Variants in TRIM5 observed in about 807,000 individuals in gnomAD.
TRIM5 encodes tripartite motif containing 5.
Under a neutral mutation model 35.6 loss-of-function variants are expected in TRIM5, and 31 were observed. The observed-to-expected ratio is 0.87, with a 90% CI of 0.65 to 1.18. The LOEUF is 1.18. TRIM5 is among the 50% of genes most tolerant of loss of function. The pLI, the probability that TRIM5 is intolerant of heterozygous loss-of-function variation, is 0.00. For synonymous variants in TRIM5, 243 were observed against 215.6 expected, an observed-to-expected ratio of 1.13 and a Z score of -1.11; for missense variants, 609 against 591.6, an observed-to-expected ratio of 1.03 and a Z score of -0.31.
At chr11:5,597,059 G>A in the TRIM5 span, 166 of 1,345,070 alleles carry the variant, frequency 1.2e-4, no homozygotes, top group Non-Finnish European at 1.5e-4. Flanking sequence ...CCCCACTGAG[G>A]TTAGAGACAT....
the TRIM5 span, among the ~76,000 whole-genome samples, chr11:5,644,783 T>G: frequency 6.6e-6 from 1 of 152,142 alleles, no homozygotes; most frequent in Admixed American, 6.5e-5. Flanking sequence ...ATAGTTGGGA[T>G]TTTTGTCCTG....
chr11:5,624,576 G>A, the TRIM5 span, among the ~76,000 whole-genome samples: 1 of 152,218 alleles, frequency 6.6e-6, no homozygotes, highest in Non-Finnish European at 1.5e-5. Flanking sequence ...GCTGGCCTGG[G>A]AGGCAGGGAA....
chr11:5,683,034 ACT>A (rs201707942), intron 1 of TRIM5, among the ~76,000 whole-genome samples: 2,164 of 152,164 alleles, frequency 0.014, 23 homozygotes, highest in Middle Eastern at 0.027. Context: ...TGGGCCCCGC[ACT>A]CGGAGTGGCC....
chr11:5,599,864 G>A, the TRIM5 span, among the ~76,000 whole-genome samples: 1 of 152,124 alleles, frequency 6.6e-6, no homozygotes, highest in Non-Finnish European at 1.5e-5. Flanking sequence ...CAGTGCTAAG[G>A]TCTGGGGCAC....
chr11:5,656,153 TG>T, the TRIM5 span, among the ~76,000 whole-genome samples: 1 of 151,970 alleles, frequency 6.6e-6, no homozygotes, highest in African/African-American at 2.4e-5. Context: ...AACTGACAAA[TG>T]GGATCTAATT....
At chr11:5,683,128 G>A (rs1422971023) in intron 1 of TRIM5, among the ~76,000 whole-genome samples, 3 of 152,242 alleles carry the variant, frequency 2.0e-5, no homozygotes, top group African/African-American at 7.2e-5. Flanking sequence ...CCGGGCCTTA[G>A]CTGCCTCCCC....
chr11:5,609,697 C>A, the TRIM5 span, among the ~76,000 whole-genome samples: 2 of 152,126 alleles, frequency 1.3e-5, no homozygotes, highest in African/African-American at 4.8e-5. Context: ...CTGAGGAGGG[C>A]AGATCACGAG....
chr11:5,603,706 C>T, the TRIM5 span: 1 of 1,613,372 alleles, frequency 6.2e-7, no homozygotes, highest in Non-Finnish European at 8.5e-7. Flanking sequence ...CCACACGTTC[C>T]TCGTGGAGGA....
chr11:5,678,439 A>T lies in TRIM5; in HGVS notation c.514-5T>A, dbSNP rs1852164854. The T allele has an allele frequency of 2.7e-6, 4 of 1,508,542 alleles. No homozygotes were observed. The highest frequency in any genetic ancestry group is 2.7e-6 in the Non-Finnish European group (3 of 1,122,700). The allele number at this position is 1,508,542 out of a possible 1,614,324, so 93.4% of individuals were successfully genotyped here. ...TTTGTCATACTGTATTTGAGTCTTC[A>T]GAGATAAGAGAAGAGAAAGGGGCAC... On this transcript the variant is annotated splice_polypyrimidine_tract_variant and splice_region_variant and intron_variant, in intron 3 of 7. Transcript: ENST00000380034.
the TRIM5 span, among the ~76,000 whole-genome samples, chr11:5,656,914 G>A: frequency 1.3e-5 from 2 of 152,178 alleles, no homozygotes; most frequent in Admixed American, 6.5e-5. Flanking sequence ...GATTCCTCAA[G>A]TATCTAGAAC....
the TRIM5 span, chr11:5,605,366 CCAGA>C: frequency 1.9e-6 from 3 of 1,614,112 alleles, no homozygotes; most frequent in Non-Finnish European, 2.5e-6. Flanking sequence ...GATGCAGGAT[CCAGA>C]CAGAGTTTAA....
intron 4 of TRIM5, among the ~76,000 whole-genome samples, chr11:5,676,478 C>A (rs895220710): frequency 1.3e-5 from 2 of 152,138 alleles, no homozygotes; most frequent in South Asian, 2.1e-4. Flanking sequence ...AATGGAAGAA[C>A]ATTCCATGCT....
downstream of TRIM5, among the ~76,000 whole-genome samples, chr11:5,661,041 C>CAAAAAAAAAAAAAA (rs61394016): frequency 8.1e-5 from 3 of 37,142 alleles, no homozygotes; most frequent in Non-Finnish European, 1.3e-4. Flanking sequence ...GACTCCGTCT[C>CAAAAAAAAAAAAAA]AAAAAAAAAA....
intron 4 of TRIM5, among the ~76,000 whole-genome samples, chr11:5,669,697 C>A (rs776203690): frequency 1.3e-5 from 2 of 152,216 alleles, no homozygotes; most frequent in Non-Finnish European, 2.9e-5. Context: ...CAAACCTTGT[C>A]ATCAAGATCT....
At chr11:5,643,967 T>A in the TRIM5 span, 3 of 509,272 alleles carry the variant, frequency 5.9e-6, no homozygotes, top group Non-Finnish European at 1.0e-5. Flanking sequence ...TGCCTTCCCA[T>A]TTATCCATGT....
the TRIM5 span, among the ~76,000 whole-genome samples, chr11:5,627,808 G>A: frequency 1.3e-5 from 2 of 152,174 alleles, no homozygotes; most frequent in African/African-American, 2.4e-5. Flanking sequence ...GAATCCAGAA[G>A]AAGTGTCTAG....
the TRIM5 span, among the ~76,000 whole-genome samples, chr11:5,613,190 G>A: frequency 6.6e-6 from 1 of 152,226 alleles, no homozygotes; most frequent in East Asian, 1.9e-4. Context: ...TTTATGGAAG[G>A]TAATGACAGA....
chr11:5,637,068 G>A, the TRIM5 span, among the ~76,000 whole-genome samples: 1 of 152,184 alleles, frequency 6.6e-6, no homozygotes. Context: ...AGCTACTCAG[G>A]AGGCTGAGGC....
the TRIM5 span, chr11:5,608,541 C>A: frequency 7.6e-7 from 1 of 1,323,618 alleles, no homozygotes; most frequent in South Asian, 1.5e-5. Context: ...TTTTGGCATC[C>A]CCAAATAAAG....
Sources: allele counts gnomAD v4.1 joint callset (sites outside exome capture counted in the v4.1 genomes callset), GRCh38; gene constraint gnomAD v4.1.1; transcripts MANE v1.5; gene names NCBI Gene and HGNC (gene_info 2026-07-23, HGNC 2026-07-21).